The following SMCHD1 variants were observed in gnomAD, a reference collection of about 807,000 sequenced individuals.
SMCHD1 encodes structural maintenance of chromosomes flexible hinge domain-containing protein 1.
A neutral mutation model predicts 254.7 loss-of-function variants in SMCHD1; 78 were observed. The observed-to-expected ratio is 0.31, with a 90% CI of 0.26 to 0.37. The LOEUF (loss-of-function observed/expected upper bound fraction) is 0.37. Ranked by LOEUF, SMCHD1 falls within the 10% of genes least tolerant of loss-of-function variation. The pLI is 1.00. For synonymous variants in SMCHD1, 766 were observed against 794.9 expected (o/e 0.96, Z 0.61); for missense variants, 1,840 against 2,408.1 (o/e 0.76, Z 4.94).
chr18:2,783,444 G>A (rs1046786578), intron 44 of SMCHD1, among the ~76,000 whole-genome samples: 7 of 152,086 alleles, frequency 4.6e-5, no homozygotes, highest in Admixed American at 6.5e-5. Context: ...TGAATTCCAC[G>A]TCTCTGGTTA....
rs2073683454 is a variant in SMCHD1, at chr18:2,674,091, A to G, written c.584A>G (p.Asn195Ser). Residue 195 changes from asparagine to serine, a missense_variant, in exon 5 of 48, where the codon AAC becomes AGC. Physicochemically the swap from Asn to Ser is conservative, Grantham distance 46. Transcript: ENST00000320876. ...NGRGMTSKQL[N>S]NWAVYRLSKF... ...AGAGGAATGACCTCTAAACAGCTTA[A>G]CAACTGGGCCGTGTATAGGTTGTCA... The G allele has an allele frequency of 6.2e-7, 1 of 1,606,192 alleles. No individual in the cohort carries two copies. Among genetic ancestry groups the G allele is most frequent in the Non-Finnish European group, 8.5e-7 (1 of 1,175,818 alleles).
At chr18:2,794,159 G>C (rs1241653120) in intron 45 of SMCHD1, among the ~76,000 whole-genome samples, 1 of 152,036 alleles carries the variant, frequency 6.6e-6, no homozygotes, top group Non-Finnish European at 1.5e-5. Context: ...TTTAAAATGT[G>C]ACCATTTTAA....
At chr18:2,683,531 C>G (rs2073975939) in intron 5 of SMCHD1, among the ~76,000 whole-genome samples, 1 of 152,128 alleles carries the variant, frequency 6.6e-6, no homozygotes, top group Non-Finnish European at 1.5e-5. Flanking sequence ...GTTTTATGAT[C>G]CAGGATGTTA....
chr18:2,786,795 T>C lies in SMCHD1; in HGVS notation c.5719+2174T>C, dbSNP rs186673259. ...AAAGGATAACAACTTTCTTGACTTA[T>C]AGTAGCTTAGATTAATTTTGCCCAT... On this transcript the variant is annotated intron_variant, in intron 45 of 47. Coordinates refer to ENST00000320876, the MANE Select transcript of SMCHD1 (RefSeq NM_015295.3). Among the ~76,000 whole-genome samples the C allele has an allele frequency of 1.4e-3, 210 of 152,362 alleles. 2 individuals carry two copies. Among genetic ancestry groups the C allele is most frequent in the African/African-American group, 4.8e-3 (200 of 41,576 alleles).
chr18:2,750,101 T>C lies in SMCHD1; in HGVS notation c.3986T>C (p.Val1329Ala). The C allele has an allele frequency of 6.3e-7, 1 of 1,580,882 alleles. No individual in the cohort carries two copies. Among genetic ancestry groups the C allele is most frequent in the Non-Finnish European group, 8.6e-7 (1 of 1,161,664 alleles). ...GAGAAAGGCAGGGCTAATTTGGGAG[T>C]ATTCAGTGTTTTTGCCCCTAGGTAA... ...TDEKGRANLGVFSVFAPRGEH... is the reference protein window; with the variant it reads ...TDEKGRANLGAFSVFAPRGEH... The change falls in exon 31 of 48, where the codon GTA becomes GCA. Residue 1329 changes from valine (V) to alanine (A), a missense_variant. Coordinates refer to ENST00000320876, the MANE Select transcript of SMCHD1 (RefSeq NM_015295.3).
chr18:2,771,616 C>G lies in SMCHD1; in HGVS notation c.5050C>G (p.Gln1684Glu). 1 of 1,548,948 alleles carries G rather than the reference C, an allele frequency of 6.5e-7. No homozygotes were observed. The change falls in exon 40 of 48, where the codon CAG becomes GAG. Residue 1684 changes from glutamine to glutamate, a missense_variant and splice_region_variant. Gln to Glu is a conservative substitution (Grantham distance 29). Around this residue, in one of 9 missense-constraint regions of SMCHD1, gnomAD observed 881 missense variants for 1,009.5 expected, o/e 0.87. Coordinates refer to ENST00000320876, the MANE Select transcript of SMCHD1 (RefSeq NM_015295.3). The part of the protein sequence containing the change: ...IHNIDIPTTQ[Q>E]VPHIEALLKR... ...TAATATTGACATTCCTACAACACAA[C>G]AGGTACAGCTTCCAACTATACGTGA...
intron 47 of SMCHD1, among the ~76,000 whole-genome samples, chr18:2,798,743 TA>T (rs1239675956): frequency 6.6e-6 from 1 of 152,244 alleles, no homozygotes; most frequent in Non-Finnish European, 1.5e-5. Context: ...TTCACTGTAT[TA>T]TTCCCTCTGC....
chr18:2,678,217 C>A (rs2143870600), intron 5 of SMCHD1, among the ~76,000 whole-genome samples: 1 of 30,342 alleles, frequency 3.3e-5, no homozygotes, highest in East Asian at 7.5e-3. Context: ...TCTTTTCTTT[C>A]TTTCTTTTTC....
intron 47 of SMCHD1, among the ~76,000 whole-genome samples, chr18:2,800,286 T>A (rs2143876851): frequency 6.6e-6 from 1 of 152,128 alleles, no homozygotes; most frequent in South Asian, 2.1e-4. Flanking sequence ...GTACCAGATT[T>A]TCAACCCAAA....
At chr18:2,752,430 T>C (rs2075592436) in intron 33 of SMCHD1, 58 bp from the exon 34 acceptor site, 1 of 1,093,536 alleles carries the variant, frequency 9.1e-7, no homozygotes, top group Non-Finnish European at 1.4e-6. Flanking sequence ...CTCCTAAGTA[T>C]ACTATGTTAA....
Position 2,722,502 on chromosome 18 carries a change from T to C in SMCHD1, c.2459-17T>C. The C allele has an allele frequency of 1.9e-6, 3 of 1,602,298 alleles. No homozygotes were observed. The highest frequency in any genetic ancestry group is 2.6e-6 in the Non-Finnish European group (3 of 1,175,648). On this transcript the variant is annotated splice_polypyrimidine_tract_variant and intron_variant, in intron 19 of 47. Coordinates refer to ENST00000320876, the MANE Select transcript of SMCHD1 (RefSeq NM_015295.3). ...CCAATGTACTTGCTTTTCATTTCAT[T>C]TTTGTTTTTGTTAAAGAGGGTAAGC...
chr18:2,722,686 A>T, intron 20 of SMCHD1, 23 bp downstream of exon 20: 3 of 1,578,286 alleles, frequency 1.9e-6, no homozygotes, highest in Non-Finnish European at 2.6e-6. Context: ...ATCAATATGT[A>T]TTTGTCCTTT....
At position 2,704,763 on chromosome 18, in the gene SMCHD1, C is replaced by T. The variant is rs76506771; in HGVS notation, c.1842+877C>T. ...TACAAGGTAGAAGGCTCTCTGTTCT[C>T]TCCATAAATGAGAGATACCATCATA... On this transcript the variant is annotated intron_variant, in intron 13 of 47. Transcript: ENST00000320876. Among the ~76,000 whole-genome samples the T allele has an allele frequency of 5.0e-3, 766 of 152,140 alleles. 4 individuals are homozygous for T. Among genetic ancestry groups the T allele is most frequent in the African/African-American group, 0.017 (694 of 41,510 alleles).
At position 2,700,597 on chromosome 18, in the gene SMCHD1, G is replaced by A. The variant is rs1254903046; in HGVS notation, c.1401G>A (p.Gly467=). 11 of 1,612,062 alleles carry A rather than the reference G, an allele frequency of 6.8e-6. No individual in the cohort carries two copies. The highest frequency in any genetic ancestry group is 9.3e-6 in the Non-Finnish European group (11 of 1,178,832). ...DCFILEKAAR[G]KRPIFECFWN... ...TCATACTTGAGAAAGCAGCTAGAGG[G>A]AAAAGGCCTATTTTTGAATGTTTTT... The change falls in exon 11 of 48, where the codon GGG becomes GGA. Residue 467 remains glycine (G), a synonymous_variant. Coordinates refer to ENST00000320876, the MANE Select transcript of SMCHD1 (RefSeq NM_015295.3).
intron 19 of SMCHD1, among the ~76,000 whole-genome samples, chr18:2,720,944 C>G (rs1401836059): frequency 6.6e-6 from 1 of 152,168 alleles, no homozygotes; most frequent in Admixed American, 6.5e-5. Context: ...TGCTGTGTCT[C>G]TCACTTCTAG....
chr18:2,696,148 A>G (rs545974352), intron 8 of SMCHD1, among the ~76,000 whole-genome samples: 5 of 152,314 alleles, frequency 3.3e-5, no homozygotes, highest in South Asian at 2.1e-4. Flanking sequence ...GTTATTTCCA[A>G]AATGTTGGTT....
rs967876530 is a variant in SMCHD1 at position 2,728,543 on chromosome 18, T to G, written c.2860T>G (p.Leu954Val). ...GTAFPFQVEV[L>V]DESDNITAQP... ...AGCTTTCCCATTTCAGGTGGAAGTT[T>G]TAGATGAATCAGACAACATAACAGC... is the stretch of plus-strand genomic sequence containing the variant. The change falls in exon 23 of 48, where the codon TTA (leucine) becomes GTA (valine). Residue 954 changes from leucine (L) to valine (V), a missense_variant. Transcript: ENST00000320876. 5 of 1,613,200 alleles carry G rather than the reference T, an allele frequency of 3.1e-6. No individual in the cohort carries two copies. The African/African-American group carries it at 6.7e-5, about 22-fold the overall frequency.
At chr18:2,682,618 G>A (rs915790882) in intron 5 of SMCHD1, among the ~76,000 whole-genome samples, 1 of 152,148 alleles carries the variant, frequency 6.6e-6, no homozygotes, top group African/African-American at 2.4e-5. Context: ...CACCGCGCCC[G>A]GCCCCCTGAT....
chr18:2,750,697 T>G (rs2075554915), intron 32 of SMCHD1, among the ~76,000 whole-genome samples, 190 bp downstream of exon 32: 1 of 152,160 alleles, frequency 6.6e-6, no homozygotes, highest in South Asian at 2.1e-4. Context: ...AATAATTTTC[T>G]GGAAGACTTC....
Sources: allele counts gnomAD v4.1 joint callset (sites outside exome capture counted in the v4.1 genomes callset), GRCh38; gene constraint gnomAD v4.1.1; regional missense constraint gnomAD v4.1.1; transcripts MANE v1.5; gene names NCBI Gene and HGNC (gene_info 2026-07-23, HGNC 2026-07-21).